STOML1: variants seen among roughly 807,000 people sequenced by gnomAD.
STOML1 encodes stomatin like 1, also known as stomatin-like protein 1.
A neutral mutation model predicts 35.7 loss-of-function variants in STOML1; 27 were observed. The observed-to-expected ratio is 0.76, with a 90% CI of 0.56 to 1.04. The LOEUF (loss-of-function observed/expected upper bound fraction) is 1.04, where lower values mean the gene tolerates loss of function less well. Ranked by LOEUF, STOML1 falls within the 50% of genes least tolerant of loss-of-function variation. STOML1 has a pLI of 0.00. For missense variants in STOML1, 451 were observed against 527.1 expected (o/e 0.86, Z 1.41); for synonymous variants, 219 against 227.9 (o/e 0.96, Z 0.35).
chr15:73,987,273 A>C (rs2069128974), intron 4 of STOML1: 1 of 152,498 alleles, frequency 6.6e-6, no homozygotes, highest in African/African-American at 2.4e-5. Flanking sequence ...AAAATCAGGC[A>C]AAAAGGGGCA....
intron 4 of STOML1, 139 bp from the exon 5 acceptor site, chr15:73,985,652 C>A: frequency 9.6e-7 from 1 of 1,038,108 alleles, no homozygotes. Flanking sequence ...GGAACACAGG[C>A]AGAGGGCAAT....
In STOML1 at chr15:73,984,000, C is replaced by T; in HGVS notation, c.1134G>A (p.Leu378=). The change falls in exon 7 of 7, where the codon CTG becomes CTA. Residue 378 remains leucine (L), a synonymous_variant. Transcript: ENST00000541638. The part of the protein sequence containing the change: ...RPLGAYMSGR[L]KVKGDLAMAM... ...CCATAGCCAGGTCGCCCTTCACCTT[C>T]AGCCGTCCACTCATGTAGGCCCCCA... is the stretch of plus-strand genomic sequence containing the variant. 6 of 1,614,058 alleles carry T rather than the reference C, an allele frequency of 3.7e-6. No individual in the cohort carries two copies. Among genetic ancestry groups the T allele is most frequent in the Non-Finnish European group, 4.2e-6 (5 of 1,180,020 alleles).
chr15:73,990,325 C>G, intron 2 of STOML1, 26 bp downstream of exon 2: 1 of 1,609,750 alleles, frequency 6.2e-7, no homozygotes, highest in Non-Finnish European at 8.5e-7. Flanking sequence ...CCCAACCACC[C>G]TGGGGGCTGA....
rs2068947212 is a variant in STOML1, at chr15:73,980,328, A to G, written c.*3609T>C. The G allele has an allele frequency of 6.6e-6, 1 of 152,250 alleles. No individual in the cohort carries two copies. Among genetic ancestry groups the G allele is most frequent in the South Asian group, 2.1e-4 (1 of 4,834 alleles). 9.4% of individuals were successfully genotyped at this position (152,250 alleles called of 1,614,324 possible). On this transcript the variant is annotated 3_prime_UTR_variant, in exon 7 of 7. Coordinates refer to ENST00000541638, the MANE Select transcript of STOML1 (RefSeq NM_004809.5). ...CTCTACCACAAATAGCACATGTTAA[A>G]GGTTATTCATTGCAAAAGTATTTAA...
chr15:73,993,124 GGAA>G (rs2069337916), upstream of STOML1, among the ~76,000 whole-genome samples: 1 of 152,206 alleles, frequency 6.6e-6, no homozygotes, highest in African/African-American at 2.4e-5. Context: ...GGGAGTGTAA[GGAA>G]GAAGGGGATA....
chr15:73,984,249 G>T, intron 6 of STOML1, 119 bp from the exon 7 acceptor site: 4 of 1,097,718 alleles, frequency 3.6e-6, no homozygotes, highest in Non-Finnish European at 5.1e-6. Context: ...AAGAGTTTGG[G>T]TTCTAATACC....
intron 4 of STOML1, chr15:73,987,651 A>G (rs2069139309): frequency 6.6e-6 from 1 of 152,218 alleles, no homozygotes; most frequent in Non-Finnish European, 1.5e-5. Flanking sequence ...TCTGCCCTTG[A>G]CCATAGCTCT....
chr15:73,985,652 C>CT, intron 4 of STOML1, 139 bp from the exon 5 acceptor site: 2 of 1,038,092 alleles, frequency 1.9e-6, no homozygotes, highest in Non-Finnish European at 2.7e-6. Flanking sequence ...GGAACACAGG[C>CT]AGAGGGCAAT....
Position 73,981,240 on chromosome 15 carries a change from TGGCTA to T in STOML1, c.*2692_*2696del. 2 of 152,022 alleles carry T rather than the reference TGGCTA, an allele frequency of 1.3e-5. No homozygotes were observed. Among genetic ancestry groups the T allele is most frequent in the Non-Finnish European group, 2.9e-5 (2 of 68,026 alleles). 9.4% of individuals were successfully genotyped at this position (152,022 alleles called of 1,614,324 possible). On this transcript the variant is annotated 3_prime_UTR_variant, in exon 7 of 7. Coordinates refer to ENST00000541638, the MANE Select transcript of STOML1 (RefSeq NM_004809.5). The stretch of plus-strand genomic sequence containing the variant: ...GTGTGGTGGTATGCGCCTATAATCC[TGGCTA>T]CTCAGGTGTCTGAGGCAGGAGAATC...
Position 73,989,149 on chromosome 15 carries a change from C to T in STOML1, c.349G>A (p.Val117Met), listed in dbSNP as rs1302141417. Residue 117 changes from valine (V) to methionine (M), a missense_variant, in exon 3 of 7, where the codon GTG becomes ATG. By Grantham distance (21) the Val-to-Met change is conservative. Coordinates refer to ENST00000541638, the MANE Select transcript of STOML1 (RefSeq NM_004809.5). Reference protein sequence around the residue: ...LLPFIDSFQRVDLRTRAFNVP... With the variant: ...LLPFIDSFQRMDLRTRAFNVP... ...TTGAAGGCTCGTGTCCTCAGATCCA[C>T]CCTCTGAAAGGAGTCAATGAAGGGC... is the stretch of plus-strand genomic sequence containing the variant. 6.2e-7 allele frequency: 1 copy of T among 1,612,064 alleles called. No individual in the cohort carries two copies. The highest frequency in any genetic ancestry group is 1.1e-5 in the South Asian group (1 of 90,820).
chr15:73,993,195 C>T (rs2069339715), upstream of STOML1, among the ~76,000 whole-genome samples: 2 of 152,200 alleles, frequency 1.3e-5, no homozygotes, highest in South Asian at 4.1e-4. Flanking sequence ...GGCCCTCAGT[C>T]CTGCAGGTCC....
At position 73,988,508 on chromosome 15, in the gene STOML1, A is replaced by G; in HGVS notation, c.594+91T>C. On this transcript the variant is annotated intron_variant, in intron 4 of 6. Transcript: ENST00000541638. This position sits in a 1 kb window ranked among gnomAD's most constrained non-coding sequence, Gnocchi z 4.8. ...TGGGACATATGGTAAACTGAGGCCC[A>G]GAGTGGTCTGACTCTTTTCTCAAAG... 4 of 1,471,302 alleles carry G rather than the reference A, an allele frequency of 2.7e-6. No homozygotes were observed. The highest frequency in any genetic ancestry group is 1.4e-5 in the African/African-American group (1 of 71,950). The allele number at this position is 1,471,302 out of a possible 1,614,324, so 91.1% of individuals were successfully genotyped here.
rs1168884943 is a variant in STOML1, at chr15:73,989,257, T to C, written c.241A>G (p.Ile81Val). The change falls in exon 3 of 7, where the codon ATT becomes GTT. Residue 81 changes from isoleucine to valine, a missense_variant and splice_region_variant. Physicochemically the swap from Ile to Val is conservative, Grantham distance 29 (BLOSUM62 3). Transcript: ENST00000541638. ...FPISGWFALK[I>V]VPTYERMIVF... ...ATCATCCGCTCGTAGGTGGGCACAATCTGTCCACAATGGCAAGGGAAAGAG... is the reference window on the plus strand; with the variant it reads ...ATCATCCGCTCGTAGGTGGGCACAACCTGTCCACAATGGCAAGGGAAAGAG... 6.3e-7 allele frequency: 1 copy of C among 1,591,320 alleles called. No individual in the cohort carries two copies. The highest frequency in any genetic ancestry group is 8.6e-7 in the Non-Finnish European group (1 of 1,166,834).
At position 73,979,786 on chromosome 15, in the gene STOML1, A is replaced by C. The variant is rs567737296; in HGVS notation, c.*4151T>G. On this transcript the variant is annotated 3_prime_UTR_variant, in exon 7 of 7. Transcript: ENST00000541638. ...ATCCAAGACTTACAAAGCAATAAACAATTGGACAATAAACAGGCTGGGCTA... is the reference window on the plus strand; with the variant it reads ...ATCCAAGACTTACAAAGCAATAAACCATTGGACAATAAACAGGCTGGGCTA... 1.3e-5 allele frequency: 2 copies of C among 152,342 alleles called. 1 individual carries two copies. The highest frequency in any genetic ancestry group is 4.1e-4 in the South Asian group (2 of 4,830). 9.4% of individuals were successfully genotyped at this position (152,342 alleles called of 1,614,324 possible).
intron 6 of STOML1, 43 bp downstream of exon 6, chr15:73,984,616 T>C (rs1475077309): frequency 1.9e-6 from 3 of 1,605,186 alleles, no homozygotes; most frequent in Middle Eastern, 1.7e-4. Context: ...ACAAGAAACC[T>C]AGCAAGCTGG....
rs1383419115 is a variant in STOML1, at chr15:73,980,225, G to T, written c.*3712C>A. 6.6e-6 allele frequency: 1 copy of T among 152,108 alleles called. No individual in the cohort carries two copies. Among genetic ancestry groups the T allele is most frequent in the East Asian group, 1.9e-4 (1 of 5,204 alleles). The allele number at this position is 152,108 out of a possible 1,614,324, so 9.4% of individuals were successfully genotyped here. A position where few individuals can be genotyped will look rare whatever the true frequency, so the allele number is the denominator to read the frequency against. ...TAAATTGGTATAATCCCCAGAGAAG[G>T]TATTCTGGCAATATTTACTAAATTA... On this transcript the variant is annotated 3_prime_UTR_variant, in exon 7 of 7. Transcript: ENST00000541638.
intron 4 of STOML1, chr15:73,986,172 A>G (rs1022286788): frequency 1.3e-5 from 2 of 153,718 alleles, no homozygotes; most frequent in Non-Finnish European, 2.9e-5. Context: ...GCCTCTATCA[A>G]CTGTACTGAG....
At position 73,988,473 on chromosome 15, in the gene STOML1, G is replaced by T; in HGVS notation, c.594+126C>A. The T allele has an allele frequency of 8.7e-7, 1 of 1,152,092 alleles. No individual in the cohort carries two copies. Among genetic ancestry groups the T allele is most frequent in the Non-Finnish European group, 1.2e-6 (1 of 822,840 alleles). 71.4% of individuals were successfully genotyped at this position (1,152,092 alleles called of 1,614,324 possible). On this transcript the variant is annotated intron_variant, in intron 4 of 6. Coordinates refer to ENST00000541638, the MANE Select transcript of STOML1 (RefSeq NM_004809.5). This position sits in a 1 kb window ranked among gnomAD's most constrained non-coding sequence, Gnocchi z 4.8. Reference sequence around the variant, plus strand: ...CCCAGGCACTGGCTCTTCAAAGGTGGTTACACTATTGGGACATATGGTAAA... The same window carrying T: ...CCCAGGCACTGGCTCTTCAAAGGTGTTTACACTATTGGGACATATGGTAAA...
chr15:73,984,899 G>A, intron 5 of STOML1, 28 bp from the exon 6 acceptor site: 1 of 1,612,538 alleles, frequency 6.2e-7, no homozygotes, highest in African/African-American at 1.3e-5. Context: ...GGTTGGGGAA[G>A]GAGGCAGAGA....
Sources: allele counts gnomAD v4.1 joint callset (sites outside exome capture counted in the v4.1 genomes callset), GRCh38; gene constraint gnomAD v4.1.1; non-coding constraint Gnocchi (gnomAD v3.1); transcripts MANE v1.5; gene names NCBI Gene and HGNC (gene_info 2026-07-23, HGNC 2026-07-21).